The following IPO13 variants were observed in gnomAD, a reference collection of about 807,000 sequenced individuals.
IPO13 encodes importin-13.
In IPO13, 28 loss-of-function variants were observed where a neutral mutation model predicts 115.5. The observed-to-expected ratio is 0.24, with a 90% CI of 0.18 to 0.33. IPO13 has a LOEUF of 0.33. IPO13 is among the 10% of genes least tolerant of loss of function. The pLI is 1.00. For synonymous variants in IPO13, 414 were observed against 478.9 expected (o/e 0.86, Z 1.77); for missense variants, 785 against 1,204.6 (o/e 0.65, Z 5.16).
chr1:43,967,355 T>C lies in IPO13; in HGVS notation c.2654T>C (p.Phe885Ser). The C allele has an allele frequency of 1.2e-6, 2 of 1,614,116 alleles. No individual in the cohort carries two copies. The highest frequency in any genetic ancestry group is 1.7e-6 in the Non-Finnish European group (2 of 1,180,022). Reference protein sequence around the residue: ...GQASRSLMDCFADILFALNKH... With the variant: ...GQASRSLMDCSADILFALNKH... ...GCCTCCCGCAGCCTCATGGACTGCT[T>C]TGCCGATATCCTGTTCGCCCTGAAC... Residue 885 changes from phenylalanine (F) to serine (S), a missense_variant, in exon 19 of 20, where the codon TTT becomes TCT. This residue lies in a region of IPO13 where 285 missense variants were observed against 394.8 expected (regional missense o/e 0.72). Transcript: ENST00000372343. The surrounding 1 kb of genome is among the most constrained non-coding windows in gnomAD (Gnocchi z 6.1).
chr1:43,967,404 C>T lies in IPO13; in HGVS notation c.2703C>T (p.Ser901=). Residue 901 remains serine, a synonymous_variant, in exon 19 of 20, where the codon AGC becomes AGT. Coordinates refer to ENST00000372343, the MANE Select transcript of IPO13 (RefSeq NM_014652.4). This position sits in a 1 kb window ranked among gnomAD's most constrained non-coding sequence, Gnocchi z 6.1. ...ALNKHCFSLL[S]MWIKEALQPP... is the part of the protein sequence containing the mutation. ...ACAAGCACTGCTTCAGCCTCCTGAGCATGTGGATCAAGGAGGCCCTGCAGC... is the reference window on the plus strand; with the variant it reads ...ACAAGCACTGCTTCAGCCTCCTGAGTATGTGGATCAAGGAGGCCCTGCAGC... The T allele has an allele frequency of 6.2e-7, 1 of 1,614,126 alleles. No individual in the cohort carries two copies. The highest frequency in any genetic ancestry group is 8.5e-7 in the Non-Finnish European group (1 of 1,180,012).
At chr1:43,955,507 GC>G (rs1317341222) in intron 2 of IPO13, among the ~76,000 whole-genome samples, 4 of 152,170 alleles carry the variant, frequency 2.6e-5, no homozygotes, top group African/African-American at 9.7e-5. Flanking sequence ...CTCCGTCCTT[GC>G]CTCTTCCTAG....
At chr1:43,959,769 C>T (rs2085277236) in intron 11 of IPO13, among the ~76,000 whole-genome samples, 1 of 152,160 alleles carries the variant, frequency 6.6e-6, no homozygotes, top group Non-Finnish European at 1.5e-5. Flanking sequence ...ATCATCCTGC[C>T]TTTCCTCACC....
Position 43,958,124 on chromosome 1 carries a change from C to T in IPO13, c.1688C>T (p.Pro563Leu), listed in dbSNP as rs760802382. 6.2e-7 allele frequency: 1 copy of T among 1,614,208 alleles called. No homozygotes were observed. The highest frequency in any genetic ancestry group is 8.5e-7 in the Non-Finnish European group (1 of 1,180,036). Residue 563 changes from proline (P) to leucine (L), a missense_variant, in exon 8 of 20, where the codon CCT becomes CTT. Pro to Leu is a moderately conservative substitution (Grantham distance 98). This residue lies in a region of IPO13 where 175 missense variants were observed against 360.0 expected (regional missense o/e 0.49). Transcript: ENST00000372343. This position sits in a 1 kb window ranked among gnomAD's most constrained non-coding sequence, Gnocchi z 6.3. ...KICRECKYDL[P>L]PYAANIVAVS... ...TGCCGAGAGTGCAAGTATGACCTGC[C>T]TCCCTATGCTGCCAACATTGTGGCT...
At chr1:43,948,300 C>A (rs2085181948) in intron 1 of IPO13, among the ~76,000 whole-genome samples, 1 of 152,146 alleles carries the variant, frequency 6.6e-6, no homozygotes, top group Admixed American at 6.5e-5. Flanking sequence ...CTGCCATGGC[C>A]CTCCCAGGCT....
In IPO13 at chr1:43,968,010, A is replaced by G; in HGVS notation, c.*328A>G. Reference sequence around the variant, plus strand: ...CAACCCCCCCATCCCCATTAAATTAATCCCAACATGCATGTATGCATACAT... The same window carrying G: ...CAACCCCCCCATCCCCATTAAATTAGTCCCAACATGCATGTATGCATACAT... On this transcript the variant is annotated 3_prime_UTR_variant, in exon 20 of 20. Transcript: ENST00000372343. The G allele has an allele frequency of 2.3e-6, 1 of 428,998 alleles. No homozygotes were observed. Among genetic ancestry groups the G allele is most frequent in the Non-Finnish European group, 4.3e-6 (1 of 233,144 alleles). The allele number at this position is 428,998 out of a possible 1,614,324, so 26.6% of individuals were successfully genotyped here.
At position 43,967,145 on chromosome 1, in the gene IPO13, T is replaced by C. The variant is rs571984733; in HGVS notation, c.2613+126T>C. On this transcript the variant is annotated intron_variant, in intron 18 of 19. Coordinates refer to ENST00000372343, the MANE Select transcript of IPO13 (RefSeq NM_014652.4). This position sits in a 1 kb window ranked among gnomAD's most constrained non-coding sequence, Gnocchi z 6.1. ...AGATTCTGTTTCTTCTTCAATTAAA[T>C]GCCTGAAAGTTGTTAGGATTGCTGT... 1.4e-4 allele frequency: 155 copies of C among 1,118,100 alleles called. No individual in the cohort carries two copies. In the African/African-American group the frequency reaches 2.2e-3, roughly 16 times the overall value. The allele number at this position is 1,118,100 out of a possible 1,614,324, so 69.3% of individuals were successfully genotyped here.
rs1334496934 is a variant in IPO13 at position 43,967,920 on chromosome 1, C to T, written c.*238C>T. On this transcript the variant is annotated 3_prime_UTR_variant, in exon 20 of 20. Coordinates refer to ENST00000372343, the MANE Select transcript of IPO13 (RefSeq NM_014652.4). The surrounding 1 kb of genome is among the most constrained non-coding windows in gnomAD (Gnocchi z 6.1). ...AAGAGATACTACTGTAGCCAAGCCACCTAGGCTGGAGCCCTTCAGAATACT... is the reference window on the plus strand; with the variant it reads ...AAGAGATACTACTGTAGCCAAGCCATCTAGGCTGGAGCCCTTCAGAATACT... The T allele has an allele frequency of 5.1e-6, 3 of 584,030 alleles. No homozygotes were observed. Among genetic ancestry groups the T allele is most frequent in the African/African-American group, 1.9e-5 (1 of 53,544 alleles). 36.2% of individuals were successfully genotyped at this position (584,030 alleles called of 1,614,324 possible). A position where few individuals can be genotyped will look rare whatever the true frequency, so the allele number is the denominator to read the frequency against.
At position 43,958,458 on chromosome 1, in the gene IPO13, C is replaced by T. The variant is rs2085267117; in HGVS notation, c.1750-3C>T. On this transcript the variant is annotated splice_polypyrimidine_tract_variant and splice_region_variant and intron_variant, in intron 9 of 19. Coordinates refer to ENST00000372343, the MANE Select transcript of IPO13 (RefSeq NM_014652.4). This position sits in a 1 kb window ranked among gnomAD's most constrained non-coding sequence, Gnocchi z 6.3. The stretch of plus-strand genomic sequence containing the variant: ...GACTGACCATCCATGTTCTGCCCCA[C>T]AGACAAGCCAGTGCATGTGGCTGAT... 6.2e-7 allele frequency: 1 copy of T among 1,613,920 alleles called. No homozygotes were observed. Among genetic ancestry groups the T allele is most frequent in the Admixed American group, 1.7e-5 (1 of 59,996 alleles).
chr1:43,947,616 G>A lies in IPO13; in HGVS notation c.16G>A (p.Glu6Lys). 7.6e-7 allele frequency: 1 copy of A among 1,320,252 alleles called. No individual in the cohort carries two copies. The highest frequency in any genetic ancestry group is 9.7e-7 in the Non-Finnish European group (1 of 1,027,328). 81.8% of individuals were successfully genotyped at this position (1,320,252 alleles called of 1,614,324 possible). A position where few individuals can be genotyped will look rare whatever the true frequency, so the allele number is the denominator to read the frequency against. Residue 6 changes from glutamate (E) to lysine (K), a missense_variant, in exon 1 of 20, where the codon GAG becomes AAG. Glu to Lys is a moderately conservative substitution (Grantham distance 56). This residue lies in a region of IPO13 where 325 missense variants were observed against 449.8 expected (regional missense o/e 0.72). Coordinates refer to ENST00000372343, the MANE Select transcript of IPO13 (RefSeq NM_014652.4). ...GGGAGCAAAGATGGAGCGGCGGGAGGAGCAGCCGGGGGCTGCAGGGGCTGG... is the reference window on the plus strand; with the variant it reads ...GGGAGCAAAGATGGAGCGGCGGGAGAAGCAGCCGGGGGCTGCAGGGGCTGG... MERRE[E>K]QPGAAGAGAA...
chr1:43,958,788 C>T lies in IPO13; in HGVS notation c.1927C>T (p.Leu643Phe). The T allele has an allele frequency of 6.2e-7, 1 of 1,614,166 alleles. No individual in the cohort carries two copies. Among genetic ancestry groups the T allele is most frequent in the Non-Finnish European group, 8.5e-7 (1 of 1,180,028 alleles). ...NKLAIVHILG[L>F]LSNLFTTLDI... ...GCTGGCCATTGTTCACATCTTGGGG[C>T]TTCTCTCCAACCTCTTCACCACACT... is the stretch of plus-strand genomic sequence containing the variant. Residue 643 changes from leucine to phenylalanine, a missense_variant, in exon 11 of 20, where the codon CTT (leucine) becomes TTT (phenylalanine). Leu to Phe is a conservative substitution (Grantham distance 22). Transcript: ENST00000372343. The surrounding 1 kb of genome is among the most constrained non-coding windows in gnomAD (Gnocchi z 6.3).
chr1:43,961,193 G>C lies in IPO13; in HGVS notation c.2275G>C (p.Ala759Pro), dbSNP rs376960008. 1.2e-6 allele frequency: 2 copies of C among 1,614,082 alleles called. No homozygotes were observed. The highest frequency in any genetic ancestry group is 1.7e-6 in the Non-Finnish European group (2 of 1,179,962). ...GGTCCACATCTTTGCTCATGAGCCT[G>C]CCCACTTTCCCCCAATTGAGGCCCT... ...QLVHIFAHEP[A>P]HFPPIEALFL... is the part of the protein sequence containing the mutation. The change falls in exon 14 of 20, where the codon GCC (alanine) becomes CCC (proline). Residue 759 changes from alanine to proline, a missense_variant. Physicochemically the swap from Ala to Pro is conservative, Grantham distance 27. Around this residue, in one of 3 missense-constraint regions of IPO13, gnomAD observed 285 missense variants for 394.8 expected, o/e 0.72. Transcript: ENST00000372343.
chr1:43,956,269 T>C lies in IPO13; in HGVS notation c.822-51T>C. 6.2e-7 allele frequency: 1 copy of C among 1,604,476 alleles called. No individual in the cohort carries two copies. The highest frequency in any genetic ancestry group is 1.7e-5 in the Admixed American group (1 of 59,722). ...GATTATGCCTTTCTCTTAAAGCCAG[T>C]GTGGGGTTGAGCAGAGAGCTCTGAT... On this transcript the variant is annotated intron_variant, in intron 2 of 19. Coordinates refer to ENST00000372343, the MANE Select transcript of IPO13 (RefSeq NM_014652.4). This position sits in a 1 kb window ranked among gnomAD's most constrained non-coding sequence, Gnocchi z 4.7.
chr1:43,967,205 T>C lies in IPO13; in HGVS notation c.2614-110T>C, dbSNP rs1206473318. The C allele has an allele frequency of 1.0e-5, 13 of 1,243,580 alleles. No homozygotes were observed. The East Asian group carries it at 3.0e-4, about 29-fold the overall frequency. The allele number at this position is 1,243,580 out of a possible 1,614,324, so 77.0% of individuals were successfully genotyped here. On this transcript the variant is annotated intron_variant, in intron 18 of 19. Transcript: ENST00000372343. This position sits in a 1 kb window ranked among gnomAD's most constrained non-coding sequence, Gnocchi z 6.1. The stretch of plus-strand genomic sequence containing the variant: ...CTGGCTCTCAAAAAGCAGCGCTCAC[T>C]GTGATGTGCAGTTTGGCTTAGGAAC...
Position 43,957,412 on chromosome 1 carries a change from C to T in IPO13, c.1403C>T (p.Ala468Val), listed in dbSNP as rs750750254. 6.2e-7 allele frequency: 1 copy of T among 1,614,180 alleles called. No individual in the cohort carries two copies. The highest frequency in any genetic ancestry group is 1.1e-5 in the South Asian group (1 of 91,082). ...ACCCTCTTTCCCCAGCACACAGAGG[C>T]CCTCCTCTACGGCTTCCAATCCATC... ...EEPYSWQHTEALLYGFQSIAE... is the reference protein window; with the variant it reads ...EEPYSWQHTEVLLYGFQSIAE... The change falls in exon 7 of 20, where the codon GCC (alanine) becomes GTC (valine). Residue 468 changes from alanine to valine, a missense_variant. This residue lies in a region of IPO13 where 175 missense variants were observed against 360.0 expected (regional missense o/e 0.49). Transcript: ENST00000372343.
intron 15 of IPO13, among the ~76,000 whole-genome samples, chr1:43,965,018 T>C (rs2085312488): frequency 6.6e-6 from 1 of 152,096 alleles, no homozygotes; most frequent in East Asian, 1.9e-4. Flanking sequence ...TATGTTGATG[T>C]GTTGTGTGTT....
At chr1:43,951,661 A>G (rs1422769589) in intron 2 of IPO13, among the ~76,000 whole-genome samples, 1 of 152,348 alleles carries the variant, frequency 6.6e-6, no homozygotes, top group East Asian at 1.9e-4. Flanking sequence ...AAAATGGCCT[A>G]CTGAGACTTT....
At position 43,961,168 on chromosome 1, in the gene IPO13, G is replaced by A. The variant is rs1219749633; in HGVS notation, c.2250G>A (p.Leu750=). 1 of 1,613,926 alleles carries A rather than the reference G, an allele frequency of 6.2e-7. No individual in the cohort carries two copies. The highest frequency in any genetic ancestry group is 8.5e-7 in the Non-Finnish European group (1 of 1,179,790). The stretch of plus-strand genomic sequence containing the variant: ...CAGCATTCCCTGCTTTCTCGTAGCT[G>A]GTCCACATCTTTGCTCATGAGCCTG... ...QASALDLTRQ[L]VHIFAHEPAH... is the part of the protein sequence containing the mutation. The change falls in exon 14 of 20, where the codon CTG becomes CTA. Residue 750 remains leucine, a splice_region_variant and synonymous_variant. Coordinates refer to ENST00000372343, the MANE Select transcript of IPO13 (RefSeq NM_014652.4).
rs1384930799 is a variant in IPO13 at position 43,967,530 on chromosome 1, A to G, written c.2795+34A>G. The stretch of plus-strand genomic sequence containing the variant: ...AGCTGGGGTGGGCCTGGGGTCAGGC[A>G]GAGAGGGGGCAGTGGTGGTGGCTGG... On this transcript the variant is annotated intron_variant, in intron 19 of 19. Transcript: ENST00000372343. The surrounding 1 kb of genome is among the most constrained non-coding windows in gnomAD (Gnocchi z 6.1). The G allele has an allele frequency of 6.2e-7, 1 of 1,614,098 alleles. No homozygotes were observed. Among genetic ancestry groups the G allele is most frequent in the African/African-American group, 1.3e-5 (1 of 75,066 alleles).
Sources: gnomAD v4.1 joint callset for allele counts (sites outside exome capture counted in the v4.1 genomes callset) on GRCh38, gnomAD v4.1.1 for gene constraint, gnomAD v4.1.1 regional missense constraint, Gnocchi (gnomAD v3.1) non-coding constraint, MANE v1.5 for transcripts, NCBI Gene and HGNC (gene_info 2026-07-23, HGNC 2026-07-21) for gene names.